ATRNL1: variants seen among roughly 807,000 people sequenced by gnomAD.
The protein encoded by ATRNL1 is attractin-like protein 1.
A neutral mutation model predicts 182.7 loss-of-function variants in ATRNL1; 95 were observed. That is an observed-to-expected ratio of 0.52 (90% CI 0.44 to 0.62). The LOEUF is 0.62. ATRNL1 is among the 20% of genes least tolerant of loss of function. The pLI is 0.00. For synonymous variants in ATRNL1, 576 were observed against 568.3 expected (o/e 1.01, Z -0.19); for missense variants, 1,471 against 1,679.5 (o/e 0.88, Z 2.17).
At position 115,265,268 on chromosome 10, in the gene ATRNL1, T is replaced by G. The variant is rs782707422; in HGVS notation, c.1763T>G (p.Val588Gly). 6.3e-7 allele frequency: 1 copy of G among 1,597,476 alleles called. No individual in the cohort carries two copies. The highest frequency in any genetic ancestry group is 8.5e-7 in the Non-Finnish European group (1 of 1,170,238). Residue 588 changes from valine (V) to glycine (G), a missense_variant, in exon 11 of 29, where the codon GTC (valine) becomes GGC (glycine). Val to Gly is a moderately radical substitution (Grantham distance 109, BLOSUM62 -3). Transcript: ENST00000355044. ...DVNRFGHSAV[V>G]INGSMYIFGG... ...AACAGATTTGGACACTCTGCAGTAG[T>G]CATTAACGGGTAAAAGAAGCACATT...
At chr10:115,621,268 T>TAG (rs1857730114) in intron 26 of ATRNL1, among the ~76,000 whole-genome samples, 2 of 57,824 alleles carry the variant, frequency 3.5e-5, no homozygotes, top group African/African-American at 1.3e-4. Context: ...TATATATATA[T>TAG]ATATATATAG....
intron 24 of ATRNL1, among the ~76,000 whole-genome samples, chr10:115,482,731 A>G (rs1403086769): frequency 1.3e-5 from 2 of 151,186 alleles, no homozygotes; most frequent in African/African-American, 2.4e-5. Flanking sequence ...GTTGCTTCAT[A>G]TAGGAAGCTC....
At chr10:115,244,651 T>C (rs1850554820) in intron 10 of ATRNL1, among the ~76,000 whole-genome samples, 1 of 152,188 alleles carries the variant, frequency 6.6e-6, no homozygotes, top group Admixed American at 6.5e-5. Context: ...TAAATCTAGT[T>C]TGAGGTCAGA....
intron 5 of ATRNL1, among the ~76,000 whole-genome samples, chr10:115,141,283 A>G (rs1240968076): frequency 1.3e-5 from 2 of 152,112 alleles, no homozygotes; most frequent in Non-Finnish European, 2.9e-5. Flanking sequence ...TAAGGTTATT[A>G]CTCTAATAAA....
At chr10:115,713,632 C>T (rs369451255) in intron 26 of ATRNL1, among the ~76,000 whole-genome samples, 1 of 143,170 alleles carries the variant, frequency 7.0e-6, no homozygotes, top group Non-Finnish European at 1.5e-5. Context: ...CACACACACA[C>T]ACATATACAC....
intron 18 of ATRNL1, among the ~76,000 whole-genome samples, chr10:115,316,303 G>A (rs895188409): frequency 2.0e-5 from 3 of 152,066 alleles, no homozygotes; most frequent in African/African-American, 7.2e-5. Flanking sequence ...ACTTTTTATG[G>A]CTATGCAGTA....
chr10:115,644,181 T>C (rs1291276343), intron 26 of ATRNL1, among the ~76,000 whole-genome samples: 1 of 152,156 alleles, frequency 6.6e-6, no homozygotes, highest in African/African-American at 2.4e-5. Context: ...CTCAAATGCA[T>C]TATGCCAAAC....
chr10:115,367,662 G>C (rs1214913056), intron 19 of ATRNL1, among the ~76,000 whole-genome samples: 1 of 134,634 alleles, frequency 7.4e-6, no homozygotes, highest in African/African-American at 2.5e-5. Flanking sequence ...ATCTACTTTT[G>C]GTCGTCGATG....
At chr10:115,828,958 T>A (rs1407040086) in intron 27 of ATRNL1, among the ~76,000 whole-genome samples, 3 of 152,208 alleles carry the variant, frequency 2.0e-5, no homozygotes, top group African/African-American at 7.2e-5. Flanking sequence ...GGTGTCTACA[T>A]GCTGATAGCA....
At chr10:115,858,318 A>C (rs1951233089) in intron 28 of ATRNL1, among the ~76,000 whole-genome samples, 1 of 152,212 alleles carries the variant, frequency 6.6e-6, no homozygotes, top group Non-Finnish European at 1.5e-5. Context: ...TGGATAAAGA[A>C]AATGTGGTGG....
chr10:115,772,595 G>GTGTT (rs1949020697), intron 27 of ATRNL1, among the ~76,000 whole-genome samples: 1 of 138,878 alleles, frequency 7.2e-6, no homozygotes, highest in African/African-American at 2.8e-5. Context: ...TATATACTCT[G>GTGTT]TCTGTGTGTG....
At chr10:115,785,822 TCTC>T (rs1217922979) in intron 27 of ATRNL1, among the ~76,000 whole-genome samples, 2 of 152,184 alleles carry the variant, frequency 1.3e-5, no homozygotes, top group Non-Finnish European at 2.9e-5. Context: ...AGGCCACACT[TCTC>T]ATACTTTGCT....
Position 115,619,541 on chromosome 10 carries a change from A to G in ATRNL1, c.3795+70005A>G, listed in dbSNP as rs577563718. On this transcript the variant is annotated intron_variant, in intron 26 of 28. Transcript: ENST00000355044. ...CTTGCAAGCATCCGTAGTGCTATTG[A>G]CAGACTCCAGGCAGTCTGATCCTGA... Among the ~76,000 whole-genome samples the G allele has an allele frequency of 2.6e-5, 4 of 152,306 alleles. No individual in the cohort carries two copies. The East Asian group carries it at 5.8e-4, about 22-fold the overall frequency.
rs75968289 is a variant in ATRNL1 at position 115,860,409 on chromosome 10, A to T, written c.4018+12418A>T. Among the ~76,000 whole-genome samples, 1,255 of 150,144 alleles carry T rather than the reference A, an allele frequency of 8.4e-3. 17 individuals carry two copies. The highest frequency in any genetic ancestry group is 0.029 in the African/African-American group (1,170 of 40,676). On this transcript the variant is annotated intron_variant, in intron 28 of 28. Coordinates refer to ENST00000355044, the MANE Select transcript of ATRNL1 (RefSeq NM_207303.4). ...TGACTCCTTAAGTGTTCTGCAAGGC[A>T]ATTAACTCTGAAGGCAGAGCTGTAA...
intron 28 of ATRNL1, among the ~76,000 whole-genome samples, chr10:115,855,307 G>T (rs1951153905): frequency 6.6e-6 from 1 of 152,118 alleles, no homozygotes; most frequent in East Asian, 1.9e-4. Context: ...TTCAAAGCCT[G>T]GTTCAAATGC....
chr10:115,650,809 T>G (rs1859942994), intron 26 of ATRNL1, among the ~76,000 whole-genome samples: 1 of 152,122 alleles, frequency 6.6e-6, no homozygotes, highest in African/African-American at 2.4e-5. Flanking sequence ...TTTTGTGTTT[T>G]TTATGTTTTA....
intron 25 of ATRNL1, among the ~76,000 whole-genome samples, chr10:115,539,297 G>A (rs1852219015): frequency 6.6e-6 from 1 of 152,056 alleles, no homozygotes; most frequent in Admixed American, 6.5e-5. Context: ...AAATGCTTTT[G>A]CAACTTTGTC....
chr10:115,906,647 A>G (rs563520659), intron 28 of ATRNL1, among the ~76,000 whole-genome samples: 1 of 152,192 alleles, frequency 6.6e-6, no homozygotes, highest in Non-Finnish European at 1.5e-5. Context: ...AACAGTTTTC[A>G]TTATTAGAAT....
chr10:115,162,905 A>C (rs901569914), intron 6 of ATRNL1, among the ~76,000 whole-genome samples: 8 of 151,928 alleles, frequency 5.3e-5, no homozygotes, highest in Non-Finnish European at 1.0e-4. Context: ...GGTCAAGGAA[A>C]ATGAAGACTG....
Sources: allele counts gnomAD v4.1 joint callset (sites outside exome capture counted in the v4.1 genomes callset), GRCh38; gene constraint gnomAD v4.1.1; transcripts MANE v1.5; gene names NCBI Gene and HGNC (gene_info 2026-07-23, HGNC 2026-07-21).